The following ARHGAP10 variants were observed in gnomAD, a reference collection of about 807,000 sequenced individuals.
ARHGAP10 encodes rho GTPase-activating protein 10.
ARHGAP10 carries 87 observed loss-of-function variants against 108.6 expected under a neutral mutation model. That is an observed-to-expected ratio of 0.80 (90% CI 0.67 to 0.96). The LOEUF (loss-of-function observed/expected upper bound fraction) is 0.96, where lower values mean the gene tolerates loss of function less well. ARHGAP10 is among the 40% of genes least tolerant of loss of function. ARHGAP10 has a pLI of 0.00. For synonymous variants in ARHGAP10, 347 were observed against 341.1 expected, an observed-to-expected ratio of 1.02 and a Z score of -0.19; for missense variants, 939 against 954.5, an observed-to-expected ratio of 0.98 and a Z score of 0.21.
In ARHGAP10 at chr4:148,017,680, A is replaced by ATATATATATGAG. The variant is rs11281620; in HGVS notation, c.1717-5580_1717-5579insATATATGAGTAT. 4.3e-3 allele frequency among the ~76,000 whole-genome samples: 615 copies of ATATATATATGAG among 141,392 alleles called. 13 individuals carry two copies. Among genetic ancestry groups the ATATATATATGAG allele is most frequent in the African/African-American group, 0.013 (480 of 36,534 alleles). 92.8% of individuals were successfully genotyped at this position (141,392 alleles called of 152,430 possible). A position where few individuals can be genotyped will look rare whatever the true frequency, so the allele number is the denominator to read the frequency against. ...TATATATATATATATATATATATAT[A>ATATATATATGAG]TATGTGTGTGTATGTAAAGGAATTC... On this transcript the variant is annotated intron_variant, in intron 18 of 22. Coordinates refer to ENST00000336498, the MANE Select transcript of ARHGAP10 (RefSeq NM_024605.4).
intron 1 of ARHGAP10, among the ~76,000 whole-genome samples, chr4:147,741,063 T>G (rs1489770373): frequency 6.6e-6 from 1 of 152,258 alleles, no homozygotes; most frequent in African/African-American, 2.4e-5. Context: ...TCCAATTGGA[T>G]GTATGTAACT....
intron 21 of ARHGAP10, 86 bp downstream of exon 21, chr4:148,063,386 C>A (rs1219859337): frequency 6.5e-7 from 1 of 1,532,252 alleles, no homozygotes; most frequent in Non-Finnish European, 8.9e-7. Flanking sequence ...GTGTTCTCTG[C>A]TGGCAAAAGC....
chr4:147,855,626 A>G lies in ARHGAP10; in HGVS notation c.385-1927A>G, dbSNP rs1472553831. Among the ~76,000 whole-genome samples, 3 of 151,944 alleles carry G rather than the reference A, an allele frequency of 2.0e-5. No individual in the cohort carries two copies. In the East Asian group the frequency reaches 5.8e-4, roughly 29 times the overall value. ...TTAGGTCTGGATCTATGAGGCAGTT[A>G]AAGAAAAGTCCCTGATCTTTTTGGT... On this transcript the variant is annotated intron_variant, in intron 4 of 22. Transcript: ENST00000336498.
At chr4:147,795,258 T>C (rs1258317459) in intron 1 of ARHGAP10, among the ~76,000 whole-genome samples, 1 of 152,222 alleles carries the variant, frequency 6.6e-6, no homozygotes, top group Non-Finnish European at 1.5e-5. Flanking sequence ...CATTTGAGTT[T>C]TGATATGTAA....
intron 1 of ARHGAP10, among the ~76,000 whole-genome samples, chr4:147,735,678 A>G (rs947290216): frequency 6.6e-6 from 1 of 152,112 alleles, no homozygotes; most frequent in African/African-American, 2.4e-5. Flanking sequence ...AGTATCGCAC[A>G]TTTGTGTGTA....
At chr4:148,030,003 C>G (rs937634263) in intron 19 of ARHGAP10, among the ~76,000 whole-genome samples, 4 of 151,682 alleles carry the variant, frequency 2.6e-5, no homozygotes, top group East Asian at 3.9e-4. Context: ...ATCCCCCCCC[C>G]CACCAACCCC....
chr4:147,870,173 C>G (rs1216311794), intron 7 of ARHGAP10, among the ~76,000 whole-genome samples: 1 of 151,824 alleles, frequency 6.6e-6, no homozygotes, highest in Non-Finnish European at 1.5e-5. Flanking sequence ...GCCTGTAGTC[C>G]TAGTTCATGC....
intron 10 of ARHGAP10, among the ~76,000 whole-genome samples, chr4:147,905,400 A>G (rs1736444358): frequency 7.0e-6 from 1 of 142,370 alleles, no homozygotes; most frequent in African/African-American, 2.6e-5. Context: ...ATCTTGAATT[A>G]ATTTTTGTAT....
chr4:147,777,399 C>T (rs1730343705), intron 1 of ARHGAP10, among the ~76,000 whole-genome samples: 1 of 152,012 alleles, frequency 6.6e-6, no homozygotes, highest in African/African-American at 2.4e-5. Context: ...GCTGGGACTA[C>T]AGGCACCCGC....
chr4:148,010,823 T>C (rs1177295816), intron 18 of ARHGAP10, among the ~76,000 whole-genome samples: 2 of 152,216 alleles, frequency 1.3e-5, no homozygotes, highest in African/African-American at 2.4e-5. Flanking sequence ...TGTGTGTAAA[T>C]GTTTGAGATG....
At chr4:147,906,799 G>A in intron 11 of ARHGAP10, 80 bp downstream of exon 11, 1 of 1,553,216 alleles carries the variant, frequency 6.4e-7, no homozygotes, top group East Asian at 2.3e-5. Context: ...TTTTTGTGTA[G>A]TATTTGAGAA....
chr4:147,767,119 G>A (rs1729869132), intron 1 of ARHGAP10, among the ~76,000 whole-genome samples: 1 of 151,928 alleles, frequency 6.6e-6, no homozygotes, highest in Admixed American at 6.6e-5. Flanking sequence ...CCAAAGTGCT[G>A]GGATTACAGG....
chr4:147,759,171 T>C (rs1729496582), intron 1 of ARHGAP10, among the ~76,000 whole-genome samples: 2 of 152,192 alleles, frequency 1.3e-5, no homozygotes, highest in Admixed American at 6.5e-5. Context: ...AATAAAATAG[T>C]GATAACACTG....
At chr4:148,058,972 A>G (rs1427541188) in intron 20 of ARHGAP10, among the ~76,000 whole-genome samples, 1 of 152,196 alleles carries the variant, frequency 6.6e-6, no homozygotes, top group Non-Finnish European at 1.5e-5. Flanking sequence ...ACCTAAACAC[A>G]GGAAATGCCT....
chr4:147,861,092 G>A, intron 5 of ARHGAP10: 1 of 152,380 alleles, frequency 6.6e-6, no homozygotes, highest in Non-Finnish European at 1.5e-5. Flanking sequence ...GCTGCACTCG[G>A]CTTGTGCTAC....
chr4:147,927,652 C>T (rs1014474402), intron 13 of ARHGAP10, among the ~76,000 whole-genome samples: 3 of 152,156 alleles, frequency 2.0e-5, no homozygotes, highest in African/African-American at 7.2e-5. Flanking sequence ...GGTTTGGAGC[C>T]TAGTCTCCCG....
At chr4:147,825,199 C>T (rs1286476396) in intron 3 of ARHGAP10, among the ~76,000 whole-genome samples, 1 of 151,968 alleles carries the variant, frequency 6.6e-6, no homozygotes, top group Admixed American at 6.6e-5. Flanking sequence ...TCTGTAATCC[C>T]AGCACTTTGG....
intron 3 of ARHGAP10, among the ~76,000 whole-genome samples, chr4:147,824,117 C>T (rs976721054): frequency 1.3e-5 from 2 of 151,932 alleles, no homozygotes; most frequent in Non-Finnish European, 2.9e-5. Context: ...GTCAGGAGTT[C>T]GAGACCAGCC....
intron 20 of ARHGAP10, among the ~76,000 whole-genome samples, chr4:148,059,275 T>G (rs1448911499): frequency 6.6e-6 from 1 of 152,206 alleles, no homozygotes; most frequent in Non-Finnish European, 1.5e-5. Flanking sequence ...GTTTCTGAGC[T>G]TTTTAGGAAC....
Sources: gnomAD v4.1 joint callset for allele counts (sites outside exome capture counted in the v4.1 genomes callset) on GRCh38, gnomAD v4.1.1 for gene constraint, MANE v1.5 for transcripts, NCBI Gene and HGNC (gene_info 2026-07-23, HGNC 2026-07-21) for gene names.